PCID2: variants seen among roughly 807,000 people sequenced by gnomAD.
PCID2 encodes PCI domain-containing protein 2.
Under a neutral mutation model 61.3 loss-of-function variants are expected in PCID2, and 41 were observed. The ratio of observed to expected loss-of-function variants is 0.67; its 90% CI spans 0.52 to 0.87. The LOEUF is 0.87. PCID2 is among the 40% of genes least tolerant of loss of function. The probability of loss-of-function intolerance (pLI) is 0.00; values close to 1 mark genes in which losing one functional copy is unlikely to be tolerated. For synonymous variants in PCID2, 187 were observed against 177.8 expected, an observed-to-expected ratio of 1.05 and a Z score of -0.41; for missense variants, 392 against 493.4, an observed-to-expected ratio of 0.79 and a Z score of 1.95.
intron 9 of PCID2, among the ~76,000 whole-genome samples, chr13:113,182,294 T>C (rs2037712394): frequency 6.6e-6 from 1 of 152,110 alleles, no homozygotes. Flanking sequence ...TGAGCGTGAA[T>C]GCTGTGGGGC....
Position 113,184,474 on chromosome 13 carries a change from T to C in PCID2, c.557A>G (p.His186Arg). 6.3e-7 allele frequency: 1 copy of C among 1,581,254 alleles called. No homozygotes were observed. The highest frequency in any genetic ancestry group is 8.7e-7 in the Non-Finnish European group (1 of 1,150,242). ...TGCTCTAATTAGGGGTTTACATAAATGGAGTTTGTTGATCTATAATGAATA... is the reference window on the plus strand; with the variant it reads ...TGCTCTAATTAGGGGTTTACATAAACGGAGTTTGTTGATCTATAATGAATA... ...FKIYFKINKL[H>R]LCKPLIRAID... The change falls in exon 9 of 14, where the codon CAT (histidine) becomes CGT (arginine). Residue 186 changes from histidine to arginine, a missense_variant. Transcript: ENST00000337344.
At chr13:113,169,498 A>T in the PCID2 span, among the ~76,000 whole-genome samples, 2 of 152,170 alleles carry the variant, frequency 1.3e-5, no homozygotes, top group Admixed American at 1.3e-4. Context: ...TGTGAATTTT[A>T]TCCTGTTAGG....
intron 6 of PCID2, among the ~76,000 whole-genome samples, chr13:113,194,074 G>A (rs570424250): frequency 5.9e-5 from 9 of 152,276 alleles, no homozygotes; most frequent in African/African-American, 2.2e-4. Flanking sequence ...CACTGAGTCG[G>A]GGAGGTCTAG....
At position 113,180,052 on chromosome 13, in the gene PCID2, G is replaced by A. The variant is rs1056814000; in HGVS notation, c.861-10C>T. ...CAGCAGGTTGCCCTCGCTGGTGAGG[G>A]GGGAGGCGCGTCAGAAGGAGGGTGA... On this transcript the variant is annotated splice_polypyrimidine_tract_variant and intron_variant, in intron 11 of 13. Transcript: ENST00000337344. The A allele has an allele frequency of 2.5e-6, 4 of 1,613,892 alleles. No individual in the cohort carries two copies. Among genetic ancestry groups the A allele is most frequent in the Non-Finnish European group, 3.4e-6 (4 of 1,179,882 alleles).
chr13:113,194,955 C>A, intron 6 of PCID2, 116 bp downstream of exon 6: 1 of 751,896 alleles, frequency 1.3e-6, no homozygotes, highest in Non-Finnish European at 2.4e-6. Flanking sequence ...CTATACCAGA[C>A]ACATCTCAAC....
intron 8 of PCID2, among the ~76,000 whole-genome samples, chr13:113,184,820 C>T (rs930912212): frequency 5.9e-5 from 9 of 151,878 alleles, no homozygotes; most frequent in South Asian, 2.1e-4. Context: ...TCTGCGAAGC[C>T]GTTCCAGGGG....
At chr13:113,178,534 C>T (rs2037315393) in intron 13 of PCID2, 1 of 443,072 alleles carries the variant, frequency 2.3e-6, no homozygotes, top group Non-Finnish European at 4.2e-6. Context: ...CTGTAATGAA[C>T]ACGTACAGAC....
At chr13:113,208,249 CG>C in intron 1 of PCID2, 1 of 1,442,632 alleles carries the variant, frequency 6.9e-7, no homozygotes, top group Non-Finnish European at 9.1e-7. Context: ...CCGCCCACAG[CG>C]GGCCCTCGGC....
At chr13:113,200,696 C>CTTTTTTTTTTTTTTTTTTTTTTTTTTT (rs998821979) in intron 1 of PCID2, 180 bp from the exon 2 acceptor site, 1 of 211,190 alleles carries the variant, frequency 4.7e-6, no homozygotes. Context: ...ACAATAATTT[C>CTTTTTTTTTTTTTTTTTTTTTTTTTTT]TTTTTTTTTT....
At chr13:113,166,908 G>C in the PCID2 span, among the ~76,000 whole-genome samples, 5 of 152,146 alleles carry the variant, frequency 3.3e-5, no homozygotes, top group Non-Finnish European at 5.9e-5. Context: ...ACTCATACCA[G>C]CAAGGCTAAG....
intron 7 of PCID2, chr13:113,186,417 T>C (rs1402460794): frequency 6.6e-6 from 1 of 152,200 alleles, no homozygotes; most frequent in Admixed American, 6.5e-5. Flanking sequence ...CAGTCACATG[T>C]TACACAACAT....
chr13:113,194,711 A>C (rs1248501169), intron 6 of PCID2, among the ~76,000 whole-genome samples: 1 of 152,164 alleles, frequency 6.6e-6, no homozygotes, highest in African/African-American at 2.4e-5. Flanking sequence ...AATCTATATG[A>C]AGCTGAATTC....
At chr13:113,203,094 G>A (rs1479956036) in intron 1 of PCID2, among the ~76,000 whole-genome samples, 2 of 152,256 alleles carry the variant, frequency 1.3e-5, no homozygotes, top group East Asian at 3.8e-4. Flanking sequence ...GTAGGGCGGT[G>A]TCGCCGGGAC....
At chr13:113,171,317 G>A in the PCID2 span, among the ~76,000 whole-genome samples, 2 of 152,248 alleles carry the variant, frequency 1.3e-5, no homozygotes, top group African/African-American at 4.8e-5. This position sits in a 1 kb window ranked among gnomAD's most constrained non-coding sequence, Gnocchi z 5.1. Flanking sequence ...ACTGCTTCCT[G>A]CTTTTTAATC....
chr13:113,179,117 T>C lies in PCID2; in HGVS notation c.987-28A>G, dbSNP rs1447379790. 2.5e-6 allele frequency: 4 copies of C among 1,606,872 alleles called. No individual in the cohort carries two copies. Among genetic ancestry groups the C allele is most frequent in the Non-Finnish European group, 2.6e-6 (3 of 1,176,218 alleles). On this transcript the variant is annotated intron_variant, in intron 12 of 13. Coordinates refer to ENST00000337344, the MANE Select transcript of PCID2 (RefSeq NM_001127202.4). This position sits in a 1 kb window ranked among gnomAD's most constrained non-coding sequence, Gnocchi z 4.3. ...GGAAGAGGGGAGGAGAAGGGCACTG[T>C]GGTTACCGACAGGATGCAATACTCC...
intron 8 of PCID2, 26 bp from the exon 9 acceptor site, chr13:113,184,513 A>G: frequency 7.0e-7 from 1 of 1,438,110 alleles, no homozygotes; most frequent in Admixed American, 1.8e-5. Context: ...ATCCATTTAA[A>G]ATATTTAAAA....
At chr13:113,178,389 G>A in intron 13 of PCID2, 102 bp from the exon 14 acceptor site, 1 of 789,672 alleles carries the variant, frequency 1.3e-6, no homozygotes. Flanking sequence ...TCTTCCCCAA[G>A]AGCGGCACAG....
intron 6 of PCID2, 23 bp from the exon 7 acceptor site, chr13:113,190,998 A>AATAAAATATAAGAAC (rs1566961483): frequency 1.9e-6 from 3 of 1,561,714 alleles, no homozygotes; most frequent in African/African-American, 1.4e-5. Context: ...AAGAACTTTT[A>AATAAAATATAAGAAC]TTTCATTTTT....
chr13:113,206,658 G>A (rs945863086), intron 1 of PCID2, among the ~76,000 whole-genome samples: 7 of 152,206 alleles, frequency 4.6e-5, no homozygotes, highest in South Asian at 4.1e-4. Context: ...GTATCGAAGA[G>A]GCACCTATTT....
Sources: allele counts gnomAD v4.1 joint callset (sites outside exome capture counted in the v4.1 genomes callset), GRCh38; gene constraint gnomAD v4.1.1; non-coding constraint Gnocchi (gnomAD v3.1); transcripts MANE v1.5; gene names NCBI Gene and HGNC (gene_info 2026-07-23, HGNC 2026-07-21).